Variants in SLC35A2 observed in about 807,000 individuals in gnomAD.
SLC35A2 encodes the protein UDP-galactose translocator.
SLC35A2 carries 1 observed loss-of-function variant against 17.3 expected under a neutral mutation model. The observed-to-expected ratio is 0.06, with a 90% CI of 0.02 to 0.27. The LOEUF (loss-of-function observed/expected upper bound fraction) is 0.27. Ranked by LOEUF, SLC35A2 falls within the 10% of genes least tolerant of loss-of-function variation. The pLI is 1.00. For synonymous variants in SLC35A2, 161 were observed against 161.3 expected, an observed-to-expected ratio of 1.00 and a Z score of 0.01; for missense variants, 191 against 339.3, an observed-to-expected ratio of 0.56 and a Z score of 3.43.
upstream of SLC35A2, chrX:48,911,879 G>T (rs915056743): frequency 2.6e-6 from 3 of 1,167,140 alleles, no homozygotes; most frequent in Non-Finnish European, 3.4e-6. Flanking sequence ...GAGCTTCATC[G>T]GCCCATTCCT....
intron 1 of SLC35A2, among the ~76,000 whole-genome samples, chrX:48,910,955 TAAGG>T (rs2063528668): frequency 9.0e-6 from 1 of 110,704 alleles, no homozygotes; most frequent in African/African-American, 3.3e-5. Context: ...CTCTCTGCTA[TAAGG>T]AAGGACCCGG....
At chrX:48,906,622 C>T (rs1184494977) in intron 2 of SLC35A2, 79 bp from the exon 3 acceptor site, 2 of 900,124 alleles carry the variant, frequency 2.2e-6, no homozygotes, top group Non-Finnish European at 3.2e-6. Flanking sequence ...ACAGGCCTTG[C>T]TCCTGTGACT....
chrX:48,904,420 G>C, intron 4 of SLC35A2: 3 of 1,091,343 alleles, frequency 2.7e-6, no homozygotes, highest in Non-Finnish European at 3.6e-6. Context: ...GGGTCGGGGA[G>C]GGAGCAGACA....
At chrX:48,905,789 T>C (rs1557043002) in intron 3 of SLC35A2, 4 of 317,767 alleles carry the variant, frequency 1.3e-5, no homozygotes, top group Admixed American at 5.4e-5. Context: ...TCATCATCTA[T>C]AAAAGATGGC....
At position 48,909,744 on chromosome X, in the gene SLC35A2, T is replaced by C. The variant is rs1449510010; in HGVS notation, c.274+70A>G. 5 of 964,388 alleles carry C rather than the reference T, an allele frequency of 5.2e-6. No individual in the cohort carries two copies. The African/African-American group carries it at 9.5e-5, about 18-fold the overall frequency. The allele number at this position is 964,388 out of a possible 1,213,427, so 79.5% of individuals were successfully genotyped here. On this transcript the variant is annotated intron_variant, in intron 2 of 4. Coordinates refer to ENST00000247138, the MANE Select transcript of SLC35A2 (RefSeq NM_005660.3). ...AGACACTCCTGAAGCAAACCATCTGTGTGAACACACACACATACATGTGGA... is the reference window on the plus strand; with the variant it reads ...AGACACTCCTGAAGCAAACCATCTGCGTGAACACACACACATACATGTGGA...
Position 48,904,208 on chromosome X carries a change from C to T in SLC35A2, c.1163+538G>A, listed in dbSNP as rs951202702. ...TATCAAGGAAGCTGGCCCAAGGCCACACAAAAGACGGAACTAGTAACATGA... is the reference window on the plus strand; with the variant it reads ...TATCAAGGAAGCTGGCCCAAGGCCATACAAAAGACGGAACTAGTAACATGA... On this transcript the variant is annotated intron_variant, in intron 4 of 4. Transcript: ENST00000247138. 7.4e-6 allele frequency: 6 copies of T among 810,559 alleles called. No individual in the cohort carries two copies. In the African/African-American group the frequency reaches 1.3e-4, roughly 18 times the overall value. The allele number at this position is 810,559 out of a possible 1,213,427, so 66.8% of individuals were successfully genotyped here.
At chrX:48,911,888 C>T, upstream of SLC35A2, 1 of 1,167,579 alleles carries the variant, frequency 8.6e-7, no homozygotes, top group Non-Finnish European at 1.1e-6. Context: ...CGGCCCATTC[C>T]TGTCACTAGA....
At chrX:48,904,030 C>T in intron 4 of SLC35A2, 1 of 760,809 alleles carries the variant, frequency 1.3e-6, no homozygotes, top group Non-Finnish European at 1.6e-6. Flanking sequence ...TTCCCACACC[C>T]TGGATCATTA....
intron 4 of SLC35A2, chrX:48,904,285 AC>A: frequency 1.0e-6 from 1 of 964,911 alleles, no homozygotes; most frequent in Non-Finnish European, 1.3e-6. Context: ...GGGCAACTGA[AC>A]CCCACAGGTA....
chrX:48,905,781 A>G (rs2063486077), intron 3 of SLC35A2: 1 of 324,599 alleles, frequency 3.1e-6, no homozygotes, highest in Non-Finnish European at 5.3e-6. Flanking sequence ...CCCTGGCATC[A>G]TCATCTATAA....
Position 48,905,225 on chromosome X carries a change from T to C in SLC35A2, c.684A>G (p.Ser228=). ...GCAGGTTGCGCAGCCACACGGAGCC[T>C]GAGCTGCCTTTGAGGATCTTCTCAA... ...VYFEKILKGS[S]GSVWLRNLQL... Residue 228 remains serine (S), a synonymous_variant, in exon 4 of 5, where the codon TCA becomes TCG. Transcript: ENST00000247138. 26 of 1,207,874 alleles carry C rather than the reference T, an allele frequency of 2.2e-5. No individual in the cohort carries two copies. The highest frequency in any genetic ancestry group is 2.9e-5 in the Non-Finnish European group (26 of 893,648).
chrX:48,910,000 TG>T lies in SLC35A2; in HGVS notation c.92-5del. 8.3e-7 allele frequency: 1 copy of T among 1,203,991 alleles called. No homozygotes were observed. On this transcript the variant is annotated splice_region_variant and splice_polypyrimidine_tract_variant and intron_variant, in intron 1 of 4. Coordinates refer to ENST00000247138, the MANE Select transcript of SLC35A2 (RefSeq NM_005660.3). Reference sequence around the variant, plus strand: ...ATGTACTTCAGGCGCCTGTGAGCTGTGGGGAACGGAAGGGGCAAGGGGGAAG... The same window carrying T: ...ATGTACTTCAGGCGCCTGTGAGCTGTGGGAACGGAAGGGGCAAGGGGGAAG...
chrX:48,910,315 ACT>A (rs1337721870), intron 1 of SLC35A2: 2 of 1,122,749 alleles, frequency 1.8e-6, no homozygotes, highest in Non-Finnish European at 2.3e-6. Context: ...GTGAGAAGCA[ACT>A]CTTCCCCAGA....
At chrX:48,907,039 A>G (rs1429251491) in intron 2 of SLC35A2, among the ~76,000 whole-genome samples, 1 of 108,631 alleles carries the variant, frequency 9.2e-6, no homozygotes, top group Non-Finnish European at 1.9e-5. Context: ...TGTGGTGGCA[A>G]GCGACTGTAA....
intron 4 of SLC35A2, 95 bp downstream of exon 4, chrX:48,904,651 C>T (rs375572106): frequency 1.3e-5 from 16 of 1,206,836 alleles, no homozygotes; most frequent in African/African-American, 1.0e-4. Context: ...CGGAGGGTGG[C>T]GACTTGGGTC....
chrX:48,908,395 C>T (rs2063507842), intron 2 of SLC35A2, among the ~76,000 whole-genome samples: 1 of 111,126 alleles, frequency 9.0e-6, no homozygotes, highest in Non-Finnish European at 1.9e-5. Flanking sequence ...GGATTACAGA[C>T]GTGAGCAACC....
intron 2 of SLC35A2, 75 bp from the exon 3 acceptor site, chrX:48,906,618 C>A (rs1245169023): frequency 7.3e-5 from 73 of 1,002,964 alleles, no homozygotes; most frequent in Non-Finnish European, 9.7e-5. Flanking sequence ...GGGAACAGGC[C>A]TTGCTCCTGT....
Position 48,904,867 on chromosome X carries a change from T to C in SLC35A2, c.1042A>G (p.Ile348Val), listed in dbSNP as rs1557042717. The C allele has an allele frequency of 2.0e-5, 24 of 1,211,540 alleles. No individual in the cohort carries two copies. The highest frequency in any genetic ancestry group is 2.3e-5 in the Non-Finnish European group (21 of 895,319). Reference sequence around the variant, plus strand: ...GAGGCGGAGGCAGAGGCAGAGGCTATGGCTTTGGCTGCACCTCGGGGAAGG... The same window carrying C: ...GAGGCGGAGGCAGAGGCAGAGGCTACGGCTTTGGCTGCACCTCGGGGAAGG... ...YSLPRGAAKA[I>V]ASASASASGP... is the part of the protein sequence containing the mutation. Residue 348 changes from isoleucine to valine, a missense_variant, in exon 4 of 5, where the codon ATA becomes GTA. Ile to Val is a conservative substitution (Grantham distance 29). This residue lies in a region of SLC35A2 where 164 missense variants were observed against 315.3 expected (regional missense o/e 0.52). Coordinates refer to ENST00000247138, the MANE Select transcript of SLC35A2 (RefSeq NM_005660.3).
At chrX:48,903,714 A>G in intron 4 of SLC35A2, 2 of 1,001,093 alleles carry the variant, frequency 2.0e-6, no homozygotes, top group South Asian at 2.6e-5. Context: ...TTAATCAAAA[A>G]TAAAGATCCA....
Sources: allele counts gnomAD v4.1 joint callset (sites outside exome capture counted in the v4.1 genomes callset), GRCh38; gene constraint gnomAD v4.1.1; regional missense constraint gnomAD v4.1.1; transcripts MANE v1.5; gene names NCBI Gene and HGNC (gene_info 2026-07-23, HGNC 2026-07-21).